Variants in MARCHF1 observed in about 807,000 individuals in gnomAD.
The protein encoded by MARCHF1 is E3 ubiquitin-protein ligase MARCHF1.
In MARCHF1, 40 loss-of-function variants were observed where a neutral mutation model predicts 54.2. The observed-to-expected ratio is 0.74, with a 90% CI of 0.57 to 0.96. The LOEUF (loss-of-function observed/expected upper bound fraction) is 0.96, where lower values mean the gene tolerates loss of function less well. Ranked by LOEUF, MARCHF1 falls within the 40% of genes least tolerant of loss-of-function variation. The probability of loss-of-function intolerance (pLI) is 0.00; values close to 1 mark genes in which losing one functional copy is unlikely to be tolerated. For synonymous variants in MARCHF1, 236 were observed against 236.3 expected (o/e 1.00, Z 0.01); for missense variants, 586 against 656.5 (o/e 0.89, Z 1.17).
intron 2 of MARCHF1, among the ~76,000 whole-genome samples, chr4:164,091,204 A>T (rs1755291502): frequency 6.6e-6 from 1 of 152,068 alleles, no homozygotes; most frequent in African/African-American, 2.4e-5. Flanking sequence ...ATTAAAAATT[A>T]AAAAATAAAA....
At chr4:163,807,660 C>A (rs1178001023) in intron 4 of MARCHF1, among the ~76,000 whole-genome samples, 1 of 151,988 alleles carries the variant, frequency 6.6e-6, no homozygotes, top group African/African-American at 2.4e-5. Context: ...TATAAATATG[C>A]ATCTGTTTCA....
intron 1 of MARCHF1, among the ~76,000 whole-genome samples, chr4:164,240,849 T>C (rs1349012176): frequency 4.6e-5 from 7 of 152,036 alleles, no homozygotes; most frequent in Admixed American, 1.3e-4. Flanking sequence ...GAAACCACCA[T>C]TGTAAAACTA....
chr4:164,085,202 C>G (rs535752637), intron 2 of MARCHF1, among the ~76,000 whole-genome samples: 1 of 151,876 alleles, frequency 6.6e-6, no homozygotes, highest in Non-Finnish European at 1.5e-5. Flanking sequence ...ATTTGAATTA[C>G]AGCAAAATTC....
rs1464368751 is a variant in MARCHF1 at position 164,033,832 on chromosome 4, TA to T, written c.-247-45124del. ...ACTTTTTACATTGTTGGCGGGAATG[TA>T]AGTTAGTTCAACCATTGTGGAAGAC... On this transcript the variant is annotated intron_variant, in intron 2 of 9. Transcript: ENST00000514618. Among the ~76,000 whole-genome samples, 12 of 152,268 alleles carry T rather than the reference TA, an allele frequency of 7.9e-5. 1 individual carries two copies. In the East Asian group the frequency reaches 2.3e-3, roughly 29 times the overall value.
At chr4:164,120,362 G>A (rs890341340) in intron 1 of MARCHF1, among the ~76,000 whole-genome samples, 1 of 152,098 alleles carries the variant, frequency 6.6e-6, no homozygotes, top group Admixed American at 6.6e-5. Flanking sequence ...TAAAGAGAGA[G>A]ATAGGGCCCA....
chr4:164,159,266 G>C (rs11943447), intron 1 of MARCHF1, among the ~76,000 whole-genome samples: 29,038 of 151,902 alleles, frequency 0.19, 4,419 homozygotes, highest in African/African-American at 0.41. Flanking sequence ...TATTAGGTTG[G>C]TGCAAAAGTA....
chr4:164,332,454 C>T (rs909682442), intron 1 of MARCHF1, among the ~76,000 whole-genome samples: 2 of 152,152 alleles, frequency 1.3e-5, no homozygotes, highest in Non-Finnish European at 2.9e-5. Flanking sequence ...TATTGTATTG[C>T]TGATGGCAGT....
In MARCHF1 at chr4:163,894,851, T is replaced by TAC. The variant is rs1445344716; in HGVS notation, c.-38-40683_-38-40682insGT. ...TATATATGCATGTGATGCATATATA[T>TAC]ATGCATGTGATGCATATATATATGC... is the stretch of plus-strand genomic sequence containing the variant. On this transcript the variant is annotated intron_variant, in intron 3 of 9. Transcript: ENST00000514618. Among the ~76,000 whole-genome samples, 2 of 30,078 alleles carry TAC rather than the reference T, an allele frequency of 6.6e-5. 1 individual carries two copies. Among genetic ancestry groups the TAC allele is most frequent in the East Asian group, 5.1e-3 (2 of 392 alleles). The allele number at this position is 30,078 out of a possible 152,430, so 19.7% of individuals were successfully genotyped here. A position where few individuals can be genotyped will look rare whatever the true frequency, so the allele number is the denominator to read the frequency against.
intron 2 of MARCHF1, among the ~76,000 whole-genome samples, chr4:164,007,345 CAAAAAAAA>C (rs56306052): frequency 7.3e-5 from 6 of 81,794 alleles, no homozygotes; most frequent in African/African-American, 1.2e-4. Context: ...GACTCCATCT[CAAAAAAAA>C]AAAAAAAAAA....
chr4:163,780,345 T>C (rs1747428384), intron 4 of MARCHF1, among the ~76,000 whole-genome samples: 2 of 152,370 alleles, frequency 1.3e-5, no homozygotes, highest in South Asian at 2.1e-4. Context: ...GGAATCCTTA[T>C]CTTTGTCCAG....
At chr4:164,042,116 G>A (rs1292287030) in intron 2 of MARCHF1, among the ~76,000 whole-genome samples, 1 of 152,062 alleles carries the variant, frequency 6.6e-6, no homozygotes, top group Non-Finnish European at 1.5e-5. Flanking sequence ...GACTGAATAT[G>A]TTTACCATTG....
intron 4 of MARCHF1, among the ~76,000 whole-genome samples, chr4:163,750,553 T>TAAAC (rs1230051363): frequency 3.4e-5 from 5 of 145,526 alleles, no homozygotes; most frequent in East Asian, 3.9e-4. Flanking sequence ...AATAAATAAA[T>TAAAC]AAACGTATCT....
At chr4:163,762,771 G>T (rs985317597) in intron 4 of MARCHF1, among the ~76,000 whole-genome samples, 2 of 152,016 alleles carry the variant, frequency 1.3e-5, no homozygotes, top group African/African-American at 2.4e-5. Flanking sequence ...TTAAAGTTAA[G>T]TTTCTTACTA....
intron 4 of MARCHF1, among the ~76,000 whole-genome samples, chr4:163,793,305 G>A (rs866637749): frequency 6.6e-6 from 1 of 152,088 alleles, no homozygotes; most frequent in South Asian, 2.1e-4. Context: ...AAGTCTCGGC[G>A]TTACTAGCAT....
At chr4:163,672,594 G>A (rs1300862105) in intron 5 of MARCHF1, among the ~76,000 whole-genome samples, 1 of 152,054 alleles carries the variant, frequency 6.6e-6, no homozygotes, top group Non-Finnish European at 1.5e-5. Context: ...TTGTTTTGAT[G>A]TGTCATATTT....
intron 3 of MARCHF1, among the ~76,000 whole-genome samples, chr4:163,968,077 G>C (rs577782636): frequency 6.6e-6 from 1 of 152,192 alleles, no homozygotes; most frequent in East Asian, 1.9e-4. Flanking sequence ...AATTTCCCCT[G>C]CATTGCTGGC....
chr4:163,856,274 A>T (rs188443916), intron 3 of MARCHF1, among the ~76,000 whole-genome samples: 1 of 152,352 alleles, frequency 6.6e-6, no homozygotes, highest in African/African-American at 2.4e-5. Flanking sequence ...TTTTAGGATT[A>T]TTAGCTAGGC....
intron 4 of MARCHF1, among the ~76,000 whole-genome samples, chr4:163,707,890 C>A (rs560439344): frequency 3.8e-4 from 58 of 151,262 alleles, no homozygotes; most frequent in African/African-American, 1.4e-3. Flanking sequence ...CTGTTCTGGG[C>A]TGGAACTCTA....
chr4:163,848,512 T>C (rs535238172), intron 4 of MARCHF1, among the ~76,000 whole-genome samples: 1 of 152,330 alleles, frequency 6.6e-6, no homozygotes, highest in East Asian at 1.9e-4. Flanking sequence ...CCTCATAAAA[T>C]CTTTCACCTT....
Sources: gnomAD v4.1 joint callset for allele counts (sites outside exome capture counted in the v4.1 genomes callset) on GRCh38, gnomAD v4.1.1 for gene constraint, MANE v1.5 for transcripts, NCBI Gene and HGNC (gene_info 2026-07-23, HGNC 2026-07-21) for gene names.